Variants in PRKRA observed in about 807,000 individuals in gnomAD.
PRKRA encodes interferon-inducible double-stranded RNA-dependent protein kinase activator A.
In PRKRA, 22 loss-of-function variants were observed where a neutral mutation model predicts 32.4. That is an observed-to-expected ratio of 0.68 (90% CI 0.49 to 0.97). The LOEUF (loss-of-function observed/expected upper bound fraction) is 0.97, where lower values mean the gene tolerates loss of function less well. PRKRA is among the 50% of genes least tolerant of loss of function. The pLI is 0.00. For missense variants in PRKRA, 319 were observed against 375.6 expected, an observed-to-expected ratio of 0.85 and a Z score of 1.25; for synonymous variants, 139 against 129.8, an observed-to-expected ratio of 1.07 and a Z score of -0.48.
At chr2:178,441,884 ATTC>A (rs1232604398) in intron 5 of PRKRA, among the ~76,000 whole-genome samples, 180 bp from the exon 6 acceptor site, 45 of 139,076 alleles carry the variant, frequency 3.2e-4, no homozygotes, top group South Asian at 1.1e-3. Flanking sequence ...ATAGCTATTA[ATTC>A]TTTTTTTTTT....
rs970570003 is a variant in PRKRA at position 178,451,059 on chromosome 2, G to A, written c.-29C>T. ...GAGAAGGGACGGCTCAGCGGCTGGA[G>A]GAAGAGCGGTGCGGAGCGACGTGCT... On this transcript the variant is annotated 5_prime_UTR_variant, in exon 1 of 8. Coordinates refer to ENST00000325748, the MANE Select transcript of PRKRA (RefSeq NM_003690.5). 21 of 1,551,370 alleles carry A rather than the reference G, an allele frequency of 1.4e-5. No homozygotes were observed. Among genetic ancestry groups the A allele is most frequent in the South Asian group, 2.4e-5 (2 of 84,810 alleles).
In PRKRA at chr2:178,441,642, T is replaced by C; in HGVS notation, c.577A>G (p.Ser193Gly). ...ATGTGGTTCTCTGGAGAAATATTACTAAATTTGGCAAGAAATTTCTCAGCA... is the reference window on the plus strand; with the variant it reads ...ATGTGGTTCTCTGGAGAAATATTACCAAATTTGGCAAGAAATTTCTCAGCA... ...NAAEKFLAKF[S>G]NISPENHISL... The change falls in exon 6 of 8, where the codon AGT (serine) becomes GGT (glycine). Residue 193 changes from serine (S) to glycine (G), a missense_variant. Coordinates refer to ENST00000325748, the MANE Select transcript of PRKRA (RefSeq NM_003690.5). 2.5e-6 allele frequency: 4 copies of C among 1,610,280 alleles called. No individual in the cohort carries two copies. Among genetic ancestry groups the C allele is most frequent in the Non-Finnish European group, 3.4e-6 (4 of 1,176,568 alleles).
Position 178,431,813 on chromosome 2 carries a change from C to T in PRKRA, c.*284G>A, listed in dbSNP as rs1045195274. 2.2e-6 allele frequency: 1 copy of T among 447,926 alleles called. No homozygotes were observed. The highest frequency in any genetic ancestry group is 4.1e-6 in the Non-Finnish European group (1 of 245,570). 27.7% of individuals were successfully genotyped at this position (447,926 alleles called of 1,614,324 possible). ...AGCATTTTTATTTCATCATCAACAACAAACATGCAGTTTCTTTCTCTGATG... is the reference window on the plus strand; with the variant it reads ...AGCATTTTTATTTCATCATCAACAATAAACATGCAGTTTCTTTCTCTGATG... On this transcript the variant is annotated 3_prime_UTR_variant, in exon 8 of 8. Transcript: ENST00000325748.
rs1346902290 is a variant in PRKRA, at chr2:178,441,602, T to G, written c.609+8A>C. 4.1e-6 allele frequency: 3 copies of G among 735,704 alleles called. No homozygotes were observed. The highest frequency in any genetic ancestry group is 6.0e-6 in the Non-Finnish European group (3 of 503,174). 45.6% of individuals were successfully genotyped at this position (735,704 alleles called of 1,614,324 possible). On this transcript the variant is annotated splice_region_variant and intron_variant, in intron 6 of 7. Coordinates refer to ENST00000325748, the MANE Select transcript of PRKRA (RefSeq NM_003690.5). ...GACATTAACATCATAGCTGTCAACATTACTCACTAAAGAAATGTGGTTCTC... is the reference window on the plus strand; with the variant it reads ...GACATTAACATCATAGCTGTCAACAGTACTCACTAAAGAAATGTGGTTCTC...
In PRKRA at chr2:178,450,676, C is replaced by T. The variant is rs953215802; in HGVS notation, c.66-265G>A. 57 of 1,420,906 alleles carry T rather than the reference C, an allele frequency of 4.0e-5. No individual in the cohort carries two copies. The African/African-American group carries it at 7.9e-4, about 20-fold the overall frequency. The allele number at this position is 1,420,906 out of a possible 1,614,324, so 88.0% of individuals were successfully genotyped here. A position where few individuals can be genotyped will look rare whatever the true frequency, so the allele number is the denominator to read the frequency against. ...GAGATTCTCAACAGAACAGGGCTGGCAGCAGCGCCGCAGCCTCTCAGGGAA... is the reference window on the plus strand; with the variant it reads ...GAGATTCTCAACAGAACAGGGCTGGTAGCAGCGCCGCAGCCTCTCAGGGAA... On this transcript the variant is annotated intron_variant, in intron 1 of 7. Transcript: ENST00000325748.
chr2:178,449,480 A>G (rs576173400), intron 2 of PRKRA, among the ~76,000 whole-genome samples: 139 of 152,290 alleles, frequency 9.1e-4, no homozygotes, highest in African/African-American at 3.3e-3. Flanking sequence ...TTAGCATCCA[A>G]TGTTTTCTGT....
At chr2:178,449,336 T>C (rs1184089884) in intron 2 of PRKRA, among the ~76,000 whole-genome samples, 1 of 152,232 alleles carries the variant, frequency 6.6e-6, no homozygotes, top group Non-Finnish European at 1.5e-5. Flanking sequence ...TAAACTTTTC[T>C]TAAAGTGGCA....
intron 3 of PRKRA, among the ~76,000 whole-genome samples, chr2:178,446,992 C>CAAA (rs780283451): frequency 0.096 from 4,402 of 45,830 alleles, 277 homozygotes; most frequent in Non-Finnish European, 0.13. Context: ...GACTCCGTCT[C>CAAA]AAAAAAAAAA....
At chr2:178,446,908 G>T (rs922595102) in intron 3 of PRKRA, among the ~76,000 whole-genome samples, 1 of 149,440 alleles carries the variant, frequency 6.7e-6, no homozygotes, top group African/African-American at 2.5e-5. Context: ...CAGGAGAATG[G>T]CGTGAACCCG....
At chr2:178,444,582 T>C in intron 3 of PRKRA, 82 bp from the exon 4 acceptor site, 3 of 840,636 alleles carry the variant, frequency 3.6e-6, no homozygotes, top group Non-Finnish European at 3.5e-6. Flanking sequence ...TCTAATTAAC[T>C]CTCTATGTCT....
Position 178,436,450 on chromosome 2 carries a change from T to G in PRKRA, c.610-131A>C, listed in dbSNP as rs1377394458. 3.9e-6 allele frequency: 3 copies of G among 768,278 alleles called. No individual in the cohort carries two copies. In the African/African-American group the frequency reaches 5.3e-5, roughly 13 times the overall value. The allele number at this position is 768,278 out of a possible 1,614,324, so 47.6% of individuals were successfully genotyped here. A position where few individuals can be genotyped will look rare whatever the true frequency, so the allele number is the denominator to read the frequency against. On this transcript the variant is annotated intron_variant, in intron 6 of 7. Coordinates refer to ENST00000325748, the MANE Select transcript of PRKRA (RefSeq NM_003690.5). The stretch of plus-strand genomic sequence containing the variant: ...TAAAGCATGTTTAAATGGATAACAT[T>G]TGGTTAATTTTCCAATTTAAACAAG...
intron 6 of PRKRA, chr2:178,439,434 T>C (rs2154124943): frequency 6.6e-6 from 1 of 152,342 alleles, no homozygotes; most frequent in East Asian, 1.9e-4. Flanking sequence ...CTGGGCAATA[T>C]GGAAAAGTTA....
chr2:178,450,598 G>C, intron 1 of PRKRA, 187 bp from the exon 2 acceptor site: 1 of 1,480,834 alleles, frequency 6.8e-7, no homozygotes, highest in East Asian at 2.4e-5. Flanking sequence ...CACTCCGCAG[G>C]AGCAGGCGGG....
At chr2:178,450,629 G>A (rs1399399055) in intron 1 of PRKRA, 1 of 1,451,638 alleles carries the variant, frequency 6.9e-7, no homozygotes, top group Non-Finnish European at 9.0e-7. Flanking sequence ...TCTTTAGAGA[G>A]AGCACTTGAA....
rs116178642 is a variant in PRKRA, at chr2:178,436,610, G to A, written c.610-291C>T. ...AGTTTTCTGATGGTCACATTAAGAG[G>A]TACAAGATATCTGGAAGCACCATAA... is the stretch of plus-strand genomic sequence containing the variant. On this transcript the variant is annotated intron_variant, in intron 6 of 7. Transcript: ENST00000325748. 9.8e-3 allele frequency among the ~76,000 whole-genome samples: 1,488 copies of A among 152,158 alleles called. 24 individuals carry two copies. The highest frequency in any genetic ancestry group is 0.034 in the African/African-American group (1,414 of 41,524).
chr2:178,440,681 C>A, intron 6 of PRKRA, among the ~76,000 whole-genome samples: 1 of 152,162 alleles, frequency 6.6e-6, no homozygotes, highest in East Asian at 1.9e-4. Flanking sequence ...ATTTTCCCAG[C>A]CACTACCTTA....
At chr2:178,445,640 T>G (rs977066567) in intron 3 of PRKRA, 5 of 154,480 alleles carry the variant, frequency 3.2e-5, no homozygotes, top group Non-Finnish European at 7.3e-5. Flanking sequence ...CAAATGTACT[T>G]AATGGTTGGG....
chr2:178,444,702 T>C (rs1385350243), intron 3 of PRKRA, among the ~76,000 whole-genome samples: 1 of 152,208 alleles, frequency 6.6e-6, no homozygotes, highest in East Asian at 1.9e-4. Flanking sequence ...CCAAGAAGCC[T>C]ATCCTTTTAC....
At chr2:178,432,363 G>A (rs1696697618) in intron 7 of PRKRA, 109 bp from the exon 8 acceptor site, 2 of 1,182,846 alleles carry the variant, frequency 1.7e-6, no homozygotes, top group Admixed American at 2.4e-5. Flanking sequence ...AAGCCTCCAT[G>A]GTATACTACA....
Sources: allele counts gnomAD v4.1 joint callset (sites outside exome capture counted in the v4.1 genomes callset), GRCh38; gene constraint gnomAD v4.1.1; transcripts MANE v1.5; gene names NCBI Gene and HGNC (gene_info 2026-07-23, HGNC 2026-07-21).